The following PRMT2 variants were observed in gnomAD, a reference collection of about 807,000 sequenced individuals.
PRMT2 encodes protein arginine N-methyltransferase 2.
PRMT2 carries 26 observed loss-of-function variants against 57.6 expected under a neutral mutation model. The observed-to-expected ratio is 0.45, with a 90% CI of 0.33 to 0.63. The LOEUF (loss-of-function observed/expected upper bound fraction) is 0.63. PRMT2 is among the 20% of genes least tolerant of loss of function. The pLI, the probability that PRMT2 is intolerant of heterozygous loss-of-function variation, is 0.02. For synonymous variants in PRMT2, 219 were observed against 220.0 expected (o/e 1.00, Z 0.04); for missense variants, 472 against 564.4 (o/e 0.84, Z 1.66).
intron 9 of PRMT2, 156 bp from the exon 10 acceptor site, chr21:46,661,644 T>C: frequency 1.6e-6 from 1 of 636,774 alleles, no homozygotes; most frequent in East Asian, 3.5e-5. Context: ...GAACTCACGA[T>C]GCGGGTTTTG....
intron 3 of PRMT2, among the ~76,000 whole-genome samples, chr21:46,641,291 G>A (rs890283115): frequency 6.6e-6 from 1 of 152,208 alleles, no homozygotes; most frequent in Admixed American, 6.5e-5. Context: ...GATGGCTGAA[G>A]AATCAAGCGG....
rs2061404407 is a variant in PRMT2, at chr21:46,648,763, G to A, written c.489+144G>A. ...GGTCTTGTTGAGCACCCTGCACGTG[G>A]GGCTCAGGGTCGGTAAAATAGCAGT... On this transcript the variant is annotated intron_variant, in intron 6 of 11. Transcript: ENST00000355680. This position sits in a 1 kb window ranked among gnomAD's most constrained non-coding sequence, Gnocchi z 4.8. 6 of 1,089,474 alleles carry A rather than the reference G, an allele frequency of 5.5e-6. No individual in the cohort carries two copies. The highest frequency in any genetic ancestry group is 7.9e-6 in the Non-Finnish European group (6 of 761,038). 67.5% of individuals were successfully genotyped at this position (1,089,474 alleles called of 1,614,324 possible). A position where few individuals can be genotyped will look rare whatever the true frequency, so the allele number is the denominator to read the frequency against.
intron 7 of PRMT2, among the ~76,000 whole-genome samples, chr21:46,651,111 C>A (rs963581240): frequency 3.3e-5 from 5 of 152,174 alleles, no homozygotes; most frequent in African/African-American, 1.2e-4. Flanking sequence ...AGGCCTGGGA[C>A]ATTCTGTGTG....
At chr21:46,656,031 G>C (rs893109886) in intron 7 of PRMT2, among the ~76,000 whole-genome samples, 1 of 152,164 alleles carries the variant, frequency 6.6e-6, no homozygotes, top group Non-Finnish European at 1.5e-5. Flanking sequence ...TGGTGGTGTT[G>C]GGAGGTGGGG....
At chr21:46,653,990 GCAGCATAGTTAAT>G in intron 7 of PRMT2, 1 of 992,454 alleles carries the variant, frequency 1.0e-6, no homozygotes, top group Non-Finnish European at 1.2e-6. Context: ...CATAAAAAAT[GCAGCATAGTTAAT>G]CAGCAGCTTG....
chr21:46,642,458 C>T lies in PRMT2; in HGVS notation c.40-1077C>T, dbSNP rs925025760. On this transcript the variant is annotated intron_variant, in intron 3 of 11. Coordinates refer to ENST00000355680, the MANE Select transcript of PRMT2 (RefSeq NM_206962.4). ...CAGTGAATGCTTTGTACTTATGTTA[C>T]GTGTCCACTTTTTTAAAAGTCTGAA... Among the ~76,000 whole-genome samples, 8 of 152,200 alleles carry T rather than the reference C, an allele frequency of 5.3e-5. No homozygotes were observed. The East Asian group carries it at 9.6e-4, about 18-fold the overall frequency.
intron 3 of PRMT2, among the ~76,000 whole-genome samples, chr21:46,640,774 C>G (rs1045179913): frequency 4.2e-4 from 63 of 150,738 alleles, no homozygotes; most frequent in Non-Finnish European, 3.2e-4. Flanking sequence ...GCCTCATCTT[C>G]TGTCTTCTTT....
rs747194995 is a variant in PRMT2 at position 46,652,923 on chromosome 21, A to G, written c.654+3184A>G. On this transcript the variant is annotated intron_variant, in intron 7 of 11. Transcript: ENST00000355680. ...CAGGTTGCACACTCAGCAGTCTCCC[A>G]CTAGCCAGTGGCACTGCAGGTGCAG... The G allele has an allele frequency of 1.5e-5, 19 of 1,301,112 alleles. No homozygotes were observed. In the South Asian group the frequency reaches 2.4e-4, roughly 16 times the overall value. The allele number at this position is 1,301,112 out of a possible 1,614,324, so 80.6% of individuals were successfully genotyped here.
At chr21:46,650,780 C>A (rs1404151452) in intron 7 of PRMT2, among the ~76,000 whole-genome samples, 1 of 152,138 alleles carries the variant, frequency 6.6e-6, no homozygotes, top group Non-Finnish European at 1.5e-5. Context: ...TCCGGCTGTG[C>A]CCTGGATTGG....
intron 7 of PRMT2, chr21:46,652,308 T>G: frequency 8.0e-7 from 1 of 1,254,742 alleles, no homozygotes; most frequent in Middle Eastern, 3.2e-4. Context: ...AATAAAATAC[T>G]TGACAAAAAA....
chr21:46,641,930 A>G (rs1288307975), intron 3 of PRMT2, among the ~76,000 whole-genome samples: 2 of 152,180 alleles, frequency 1.3e-5, no homozygotes, highest in Non-Finnish European at 2.9e-5. Context: ...CACGAAGGGT[A>G]CAAATAGACA....
intron 7 of PRMT2, chr21:46,654,916 T>C: frequency 4.1e-6 from 4 of 984,512 alleles, no homozygotes; most frequent in Non-Finnish European, 4.8e-6. Flanking sequence ...TCTCCCTCTA[T>C]GTATGTACAT....
intron 7 of PRMT2, among the ~76,000 whole-genome samples, chr21:46,654,650 A>T (rs1313388650): frequency 6.6e-6 from 1 of 152,254 alleles, no homozygotes; most frequent in East Asian, 1.9e-4. Context: ...AATAAACATC[A>T]ATACAAATAA....
rs1328331239 is a variant in PRMT2 at position 46,660,935 on chromosome 21, G to A, written c.933G>A (p.Met311Ile). Residue 311 changes from methionine to isoleucine, a missense_variant, in exon 9 of 12, where the codon ATG becomes ATA. Met to Ile is a conservative substitution (Grantham distance 10). This residue lies in a region of PRMT2 where 229 missense variants were observed against 217.2 expected (regional missense o/e 1.05). Transcript: ENST00000355680. ...SEPCTILQLD[M>I]RTVQISDLET... is the part of the protein sequence containing the mutation. ...CGTGCACTATATTGCAGTTGGACAT[G>A]AGAACCGTGCAAATTTCTGATCTAG... is the stretch of plus-strand genomic sequence containing the variant. The A allele has an allele frequency of 1.2e-6, 2 of 1,613,206 alleles. No individual in the cohort carries two copies. Among genetic ancestry groups the A allele is most frequent in the East Asian group, 2.2e-5 (1 of 44,888 alleles).
intron 7 of PRMT2, among the ~76,000 whole-genome samples, chr21:46,654,474 G>A (rs1371375343): frequency 6.6e-6 from 1 of 152,186 alleles, no homozygotes; most frequent in African/African-American, 2.4e-5. Context: ...ATCCTGGAGA[G>A]TAGACAGGGA....
At chr21:46,652,129 G>C (rs2061469101) in intron 7 of PRMT2, 1 of 1,465,460 alleles carries the variant, frequency 6.8e-7, no homozygotes, top group Non-Finnish European at 9.0e-7. Context: ...TGGAACGACT[G>C]ATTTGGAGAA....
intron 3 of PRMT2, among the ~76,000 whole-genome samples, chr21:46,641,457 G>A (rs1400887607): frequency 6.6e-6 from 1 of 152,210 alleles, no homozygotes; most frequent in Non-Finnish European, 1.5e-5. Flanking sequence ...GGAAGCTCAG[G>A]TGGGCAGATC....
chr21:46,643,565 G>C lies in PRMT2; in HGVS notation c.70G>C (p.Gly24Arg). Residue 24 changes from glycine (G) to arginine (R), a missense_variant, in exon 4 of 12, where the codon GGT becomes CGT. Physicochemically the swap from Gly to Arg is moderately radical, Grantham distance 125 (BLOSUM62 -2). Coordinates refer to ENST00000355680, the MANE Select transcript of PRMT2 (RefSeq NM_206962.4). ...GEEPAECSEA[G>R]LLQEGVQPEE... is the part of the protein sequence containing the mutation. ...AGAGCCTGCTGAGTGCAGTGAGGCC[G>C]GTCTCCTGCAGGAGGGAGTACAGCC... The C allele has an allele frequency of 6.2e-7, 1 of 1,609,044 alleles. No homozygotes were observed. The highest frequency in any genetic ancestry group is 8.5e-7 in the Non-Finnish European group (1 of 1,178,278).
Position 46,664,579 on chromosome 21 carries a change from G to C in PRMT2, c.*252G>C. On this transcript the variant is annotated 3_prime_UTR_variant, in exon 12 of 12. Coordinates refer to ENST00000355680, the MANE Select transcript of PRMT2 (RefSeq NM_206962.4). ...CTAGAAGTAGGCTGTGTTTCCAGGT[G>C]TTCACCCGTGGTGCCCACAGTGCCG... 1 of 579,596 alleles carries C rather than the reference G, an allele frequency of 1.7e-6. No individual in the cohort carries two copies. The highest frequency in any genetic ancestry group is 2.9e-5 in the East Asian group (1 of 34,672). 35.9% of individuals were successfully genotyped at this position (579,596 alleles called of 1,614,324 possible).
Sources: allele counts gnomAD v4.1 joint callset (sites outside exome capture counted in the v4.1 genomes callset), GRCh38; gene constraint gnomAD v4.1.1; regional missense constraint gnomAD v4.1.1; non-coding constraint Gnocchi (gnomAD v3.1); transcripts MANE v1.5; gene names NCBI Gene and HGNC (gene_info 2026-07-23, HGNC 2026-07-21).